The following MYO16 variants were observed in gnomAD, a reference collection of about 807,000 sequenced individuals.
MYO16 encodes myosin XVI.
In MYO16, 94 loss-of-function variants were observed where a neutral mutation model predicts 205.3. The observed-to-expected ratio is 0.46, with a 90% CI of 0.39 to 0.54. MYO16 has a LOEUF of 0.54. Ranked by LOEUF, MYO16 falls within the 20% of genes least tolerant of loss-of-function variation. The pLI is 0.00. For missense variants in MYO16, 2,315 were observed against 2,387.5 expected (o/e 0.97, Z 0.63); for synonymous variants, 988 against 954.0 (o/e 1.04, Z -0.66).
chr13:108,594,206 C>G (rs1178159839), upstream of MYO16, among the ~76,000 whole-genome samples: 1 of 152,182 alleles, frequency 6.6e-6, no homozygotes, highest in Non-Finnish European at 1.5e-5. Flanking sequence ...AGAACTAATC[C>G]ATGTCCTGAC....
intron 2 of MYO16, among the ~76,000 whole-genome samples, chr13:108,669,030 G>A (rs1012794081): frequency 3.3e-5 from 5 of 151,968 alleles, no homozygotes; most frequent in Non-Finnish European, 5.9e-5. Context: ...GGCTGGAGAC[G>A]TAAATTGAAA....
intron 1 of MYO16, among the ~76,000 whole-genome samples, chr13:108,622,158 C>G (rs964535649): frequency 7.2e-5 from 11 of 152,080 alleles, no homozygotes; most frequent in African/African-American, 2.7e-4. Flanking sequence ...ACCTGCAAGA[C>G]TCTAGGAAAG....
the MYO16 span, among the ~76,000 whole-genome samples, chr13:108,571,156 T>G: frequency 2.0e-5 from 3 of 152,152 alleles, no homozygotes; most frequent in African/African-American, 7.2e-5. Context: ...TTCTTTGGAC[T>G]CTTAAGAAAA....
chr13:109,066,682 C>A (rs1373467664), intron 27 of MYO16, among the ~76,000 whole-genome samples: 2 of 152,062 alleles, frequency 1.3e-5, no homozygotes, highest in Admixed American at 6.6e-5. Flanking sequence ...ACTTTATGGC[C>A]ATGTGGTCTC....
chr13:108,721,578 C>T (rs965476336), intron 3 of MYO16, among the ~76,000 whole-genome samples: 1 of 152,194 alleles, frequency 6.6e-6, no homozygotes, highest in Non-Finnish European at 1.5e-5. Flanking sequence ...AGGATGTCAT[C>T]ATGGTCCCCA....
intron 1 of MYO16, among the ~76,000 whole-genome samples, chr13:108,609,095 T>G (rs1386357349): frequency 6.6e-6 from 1 of 152,218 alleles, no homozygotes; most frequent in Non-Finnish European, 1.5e-5. Context: ...ATAGGCAGGT[T>G]CAGCTCCTCT....
At chr13:108,975,950 G>C (rs750968343) in intron 20 of MYO16, among the ~76,000 whole-genome samples, 4 of 152,060 alleles carry the variant, frequency 2.6e-5, no homozygotes, top group Non-Finnish European at 5.9e-5. Context: ...TTACAAAGCA[G>C]AGACATATTA....
intron 2 of MYO16, among the ~76,000 whole-genome samples, chr13:108,710,886 T>C (rs1044381375): frequency 6.6e-6 from 1 of 152,244 alleles, no homozygotes; most frequent in African/African-American, 2.4e-5. Flanking sequence ...TCAATATTAG[T>C]TAATTCATGA....
At chr13:109,100,666 TG>T in intron 27 of MYO16, 118 bp from the exon 28 acceptor site, 1 of 710,516 alleles carries the variant, frequency 1.4e-6, no homozygotes, top group Non-Finnish European at 2.4e-6. Flanking sequence ...TGGCTGTTCC[TG>T]GGATAAAGAA....
At chr13:108,981,398 A>T (rs746823691) in intron 20 of MYO16, among the ~76,000 whole-genome samples, 2 of 152,260 alleles carry the variant, frequency 1.3e-5, no homozygotes, top group Non-Finnish European at 2.9e-5. Context: ...CATCCATGCC[A>T]TGTACAATAT....
At chr13:109,119,818 A>AG (rs1566515874) in intron 28 of MYO16, among the ~76,000 whole-genome samples, 4 of 152,202 alleles carry the variant, frequency 2.6e-5, no homozygotes, top group Non-Finnish European at 5.9e-5. Context: ...TGACTTTCTC[A>AG]TCTTTCTTGA....
At chr13:108,990,804 A>G (rs968045015) in intron 20 of MYO16, among the ~76,000 whole-genome samples, 5 of 152,178 alleles carry the variant, frequency 3.3e-5, no homozygotes, top group Non-Finnish European at 7.3e-5. Context: ...ACAGGATATT[A>G]CAGAATTATG....
intron 9 of MYO16, among the ~76,000 whole-genome samples, chr13:108,835,720 G>T (rs551660420): frequency 1.9e-4 from 29 of 152,292 alleles, no homozygotes; most frequent in South Asian, 1.9e-3. Flanking sequence ...TGAGGAACTT[G>T]TTGGGAACTG....
chr13:108,736,099 G>A (rs1185620308), intron 4 of MYO16, among the ~76,000 whole-genome samples: 18 of 152,130 alleles, frequency 1.2e-4, no homozygotes, highest in Admixed American at 3.3e-4. Flanking sequence ...TAGGTTGCCC[G>A]TTCACTCTGA....
intron 23 of MYO16, among the ~76,000 whole-genome samples, chr13:109,038,017 G>A (rs1886768861): frequency 6.6e-6 from 1 of 152,184 alleles, no homozygotes; most frequent in Non-Finnish European, 1.5e-5. Context: ...GAGTACAATG[G>A]GGAAAATGGG....
the MYO16 span, among the ~76,000 whole-genome samples, chr13:108,586,346 T>A: frequency 2.0e-5 from 3 of 151,656 alleles, no homozygotes; most frequent in African/African-American, 7.3e-5. Context: ...GACTATTTTT[T>A]TAAAAAATAT....
At chr13:108,607,037 G>A (rs1878986420) in intron 1 of MYO16, among the ~76,000 whole-genome samples, 1 of 152,008 alleles carries the variant, frequency 6.6e-6, no homozygotes, top group African/African-American at 2.4e-5. Flanking sequence ...CCTTTGTTTT[G>A]GCCAACTTCT....
At chr13:108,948,795 C>A (rs1274831485) in intron 16 of MYO16, among the ~76,000 whole-genome samples, 2 of 152,206 alleles carry the variant, frequency 1.3e-5, no homozygotes, top group Non-Finnish European at 2.9e-5. Flanking sequence ...CTTAATCTTA[C>A]TTATGCGTTC....
intron 9 of MYO16, among the ~76,000 whole-genome samples, chr13:108,842,250 G>A (rs1039372408): frequency 1.3e-5 from 2 of 151,896 alleles, no homozygotes; most frequent in Non-Finnish European, 2.9e-5. Flanking sequence ...GCACAGCAAA[G>A]AAAACAATAA....
Sources: allele counts gnomAD v4.1 joint callset (sites outside exome capture counted in the v4.1 genomes callset), GRCh38; gene constraint gnomAD v4.1.1; transcripts MANE v1.5; gene names NCBI Gene and HGNC (gene_info 2026-07-23, HGNC 2026-07-21).